The following SCD5 variants were observed in gnomAD, a reference collection of about 807,000 sequenced individuals.
SCD5 encodes acyl-CoA-desaturase 4.
In SCD5, 20 loss-of-function variants were observed where a neutral mutation model predicts 30.4. The ratio of observed to expected loss-of-function variants is 0.66; its 90% confidence interval spans 0.46 to 0.96. The LOEUF (loss-of-function observed/expected upper bound fraction) is 0.96, where lower values mean the gene tolerates loss of function less well. SCD5 is among the 40% of genes least tolerant of loss of function. SCD5 has a pLI of 0.00. For missense variants in SCD5, 381 were observed against 443.3 expected, an observed-to-expected ratio of 0.86 and a Z score of 1.26; for synonymous variants, 173 against 176.4, an observed-to-expected ratio of 0.98 and a Z score of 0.16.
rs111268665 is a variant in SCD5 at position 82,792,565 on chromosome 4, AC to A, written c.232+5740del. 5.9e-3 allele frequency among the ~76,000 whole-genome samples: 899 copies of A among 152,150 alleles called. 14 individuals are homozygous for A. Among genetic ancestry groups the A allele is most frequent in the African/African-American group, 0.021 (860 of 41,514 alleles). ...ATCTCTACAAAAAACCAACCAACAA[AC>A]AAAAAACAGCTGGGTGCAGTGGCAC... On this transcript the variant is annotated intron_variant, in intron 1 of 4. Transcript: ENST00000319540.
intron 1 of SCD5, chr4:82,753,437 C>T (rs549539633): frequency 1.9e-6 from 1 of 524,916 alleles, no homozygotes; most frequent in African/African-American, 1.9e-5. Flanking sequence ...AATTTAAAGG[C>T]ACAAAGCAGT....
At chr4:82,662,544 C>T (rs1347250439) in intron 3 of SCD5, among the ~76,000 whole-genome samples, 2 of 151,502 alleles carry the variant, frequency 1.3e-5, no homozygotes, top group African/African-American at 4.9e-5. Context: ...GATCATCATA[C>T]CATTATTATA....
chr4:82,635,448 T>C (rs1577998507), intron 4 of SCD5, among the ~76,000 whole-genome samples: 1 of 151,450 alleles, frequency 6.6e-6, no homozygotes. Context: ...TGAAATCCCG[T>C]CTCTACTAAA....
intron 1 of SCD5, among the ~76,000 whole-genome samples, chr4:82,736,305 C>A (rs1014676889): frequency 4.2e-4 from 61 of 145,286 alleles, no homozygotes; most frequent in Non-Finnish European, 6.7e-4. Flanking sequence ...CAAAACAAAA[C>A]AAAAAAAAAA....
At chr4:82,726,944 C>T (rs1361340561) in intron 1 of SCD5, among the ~76,000 whole-genome samples, 1 of 152,200 alleles carries the variant, frequency 6.6e-6, no homozygotes, top group African/African-American at 2.4e-5. Flanking sequence ...TTCTGAAGGG[C>T]ACCTGTCAAT....
chr4:82,676,802 T>C (rs1368491458), intron 3 of SCD5, among the ~76,000 whole-genome samples: 1 of 152,234 alleles, frequency 6.6e-6, no homozygotes, highest in African/African-American at 2.4e-5. Flanking sequence ...CTAAAGGCAA[T>C]ACCACTGGCT....
rs149843956 is a variant in SCD5 at position 82,769,306 on chromosome 4, A to G, written c.232+29000T>C. 9.9e-5 allele frequency among the ~76,000 whole-genome samples: 15 copies of G among 152,176 alleles called. No individual in the cohort carries two copies. In the East Asian group the frequency reaches 2.9e-3, roughly 29 times the overall value. On this transcript the variant is annotated intron_variant, in intron 1 of 4. Coordinates refer to ENST00000319540, the MANE Select transcript of SCD5 (RefSeq NM_001037582.3). ...CCCTAAGATCCCCTCCAGCTATAAT[A>G]CTCTGTCCTTTAATAGGACTCTCAT...
intron 4 of SCD5, among the ~76,000 whole-genome samples, chr4:82,635,619 T>TAAAAAA (rs3972726): frequency 9.6e-5 from 11 of 114,464 alleles, no homozygotes; most frequent in Non-Finnish European, 1.2e-4. Flanking sequence ...GACTCCGTCT[T>TAAAAAA]AAAAAAAAAA....
At chr4:82,645,280 C>A (rs1727615021) in intron 3 of SCD5, among the ~76,000 whole-genome samples, 1 of 149,656 alleles carries the variant, frequency 6.7e-6, no homozygotes, top group African/African-American at 2.5e-5. Context: ...TGCCACTGCA[C>A]TCCAGCCTGG....
At chr4:82,684,282 T>C (rs1479427996) in intron 2 of SCD5, among the ~76,000 whole-genome samples, 1 of 152,182 alleles carries the variant, frequency 6.6e-6, no homozygotes, top group Non-Finnish European at 1.5e-5. Context: ...TATTTTTTAA[T>C]CCTTTGTTAT....
intron 1 of SCD5, among the ~76,000 whole-genome samples, chr4:82,708,072 T>C (rs570224465): frequency 6.6e-6 from 1 of 152,180 alleles, no homozygotes; most frequent in African/African-American, 2.4e-5. Context: ...CAGGCTGGTG[T>C]TGCATGGGGT....
chr4:82,661,034 C>T, intron 3 of SCD5: 2 of 1,613,974 alleles, frequency 1.2e-6, no homozygotes, highest in Non-Finnish European at 1.7e-6. Flanking sequence ...TCACACGCTG[C>T]CTCTTGATTG....
intron 1 of SCD5, among the ~76,000 whole-genome samples, chr4:82,718,274 G>A (rs1720275381): frequency 6.6e-6 from 1 of 151,764 alleles, no homozygotes. Flanking sequence ...TATGGAGAGA[G>A]GCCCTAGGCA....
chr4:82,660,728 G>T (rs1727981488), intron 3 of SCD5: 9 of 1,464,750 alleles, frequency 6.1e-6, no homozygotes, highest in Non-Finnish European at 8.1e-6. Flanking sequence ...TGTGTCAACT[G>T]ATTGAATCAA....
intron 1 of SCD5, among the ~76,000 whole-genome samples, chr4:82,794,939 C>A (rs1722178755): frequency 6.6e-6 from 1 of 152,196 alleles, no homozygotes; most frequent in East Asian, 1.9e-4. Flanking sequence ...GCGTGAGCCA[C>A]CATGCCCGGC....
intron 1 of SCD5, among the ~76,000 whole-genome samples, chr4:82,763,347 C>A (rs1721418805): frequency 6.6e-6 from 1 of 152,056 alleles, no homozygotes; most frequent in Non-Finnish European, 1.5e-5. Context: ...CCCATCTCTA[C>A]TAAAAATACA....
intron 3 of SCD5, among the ~76,000 whole-genome samples, chr4:82,669,434 T>C (rs2148818765): frequency 6.6e-6 from 1 of 152,260 alleles, no homozygotes; most frequent in South Asian, 2.1e-4. Flanking sequence ...ACTCTGAGAT[T>C]AGTAAGAGAT....
chr4:82,793,879 T>C (rs896717120), intron 1 of SCD5, among the ~76,000 whole-genome samples: 2 of 152,114 alleles, frequency 1.3e-5, no homozygotes, highest in African/African-American at 4.8e-5. Flanking sequence ...CTAGAAAACC[T>C]TGGGGCAAGA....
At chr4:82,721,795 G>A (rs1275783887) in intron 1 of SCD5, among the ~76,000 whole-genome samples, 1 of 152,186 alleles carries the variant, frequency 6.6e-6, no homozygotes, top group African/African-American at 2.4e-5. Context: ...CACCCCATCC[G>A]TAGTACATTG....
Sources: gnomAD v4.1 joint callset for allele counts (sites outside exome capture counted in the v4.1 genomes callset) on GRCh38, gnomAD v4.1.1 for gene constraint, MANE v1.5 for transcripts, NCBI Gene and HGNC (gene_info 2026-07-23, HGNC 2026-07-21) for gene names.